The following LRRC17 variants were observed in gnomAD, a reference collection of about 807,000 sequenced individuals.
LRRC17 encodes the protein leucine-rich repeat-containing protein 17.
A neutral mutation model predicts 41.5 loss-of-function variants in LRRC17; 33 were observed. That is an observed-to-expected ratio of 0.80 (90% CI 0.60 to 1.06). The LOEUF (loss-of-function observed/expected upper bound fraction) is 1.06. Among genes scored for constraint, LRRC17 ranks in the 50% least tolerant of loss-of-function variants. The pLI is 0.00. For missense variants in LRRC17, 491 were observed against 519.3 expected, an observed-to-expected ratio of 0.95 and a Z score of 0.53; for synonymous variants, 192 against 197.0, an observed-to-expected ratio of 0.97 and a Z score of 0.21.
rs912011527 is a variant in LRRC17, at chr7:102,922,712, C to T, written c.-141+9567C>T. Among the ~76,000 whole-genome samples, 6 of 152,288 alleles carry T rather than the reference C, an allele frequency of 3.9e-5. No individual in the cohort carries two copies. The South Asian group carries it at 1.2e-3, about 32-fold the overall frequency. On this transcript the variant is annotated intron_variant, in intron 1 of 3. Coordinates refer to ENST00000339431, the MANE Select transcript of LRRC17 (RefSeq NM_001031692.3). ...TGATGACTGGGCGTGGTGGCTCACG[C>T]CTATAATCCCAGCACTTTGGGAGGC...
chr7:102,926,997 G>T (rs1047606083), intron 1 of LRRC17, among the ~76,000 whole-genome samples: 15 of 152,232 alleles, frequency 9.9e-5, no homozygotes, highest in African/African-American at 2.6e-4. Flanking sequence ...GGAGTAGGGT[G>T]GGGGAGGATC....
chr7:102,917,244 C>T (rs1816073342), intron 1 of LRRC17, among the ~76,000 whole-genome samples: 1 of 152,164 alleles, frequency 6.6e-6, no homozygotes, highest in Non-Finnish European at 1.5e-5. Flanking sequence ...TTGATAGGCA[C>T]TGGTGAGACT....
intron 2 of LRRC17, among the ~76,000 whole-genome samples, chr7:102,935,143 G>GAGAC (rs2129473901): frequency 6.6e-6 from 1 of 151,624 alleles, no homozygotes; most frequent in East Asian, 1.9e-4. Flanking sequence ...AGAGCACTCT[G>GAGAC]AGACAGAGTG....
intron 3 of LRRC17, among the ~76,000 whole-genome samples, chr7:102,942,741 G>C (rs1821712856): frequency 6.6e-6 from 1 of 152,060 alleles, no homozygotes; most frequent in Non-Finnish European, 1.5e-5. Context: ...ATTTTTTTAA[G>C]GGGGAATTAT....
At chr7:102,920,774 C>G (rs1369571516) in intron 1 of LRRC17, among the ~76,000 whole-genome samples, 2 of 152,150 alleles carry the variant, frequency 1.3e-5, no homozygotes, top group African/African-American at 4.8e-5. Flanking sequence ...AATCCCGCAT[C>G]ACAAAGGTTA....
intron 2 of LRRC17, 141 bp from the exon 3 acceptor site, chr7:102,939,289 T>G: frequency 1.5e-6 from 1 of 647,728 alleles, no homozygotes; most frequent in Non-Finnish European, 2.6e-6. Context: ...AAGGCTTGTT[T>G]CATACTAACT....
intron 3 of LRRC17, among the ~76,000 whole-genome samples, chr7:102,941,039 C>T (rs749612290): frequency 2.0e-5 from 3 of 152,132 alleles, no homozygotes; most frequent in Non-Finnish European, 4.4e-5. Flanking sequence ...TCTGGAGCCA[C>T]AAGGGCATAT....
intron 1 of LRRC17, among the ~76,000 whole-genome samples, chr7:102,924,233 C>T (rs1398022235): frequency 4.2e-5 from 6 of 144,536 alleles, no homozygotes; most frequent in East Asian, 2.0e-4. Flanking sequence ...AGCAAAACTC[C>T]GTCTCAAAAA....
chr7:102,921,118 C>G (rs1327719620), intron 1 of LRRC17, among the ~76,000 whole-genome samples: 1 of 152,114 alleles, frequency 6.6e-6, no homozygotes, highest in African/African-American at 2.4e-5. Flanking sequence ...CTTCATTGCA[C>G]TCCAGCCTGG....
At chr7:102,939,619 G>A (rs778248770) in intron 3 of LRRC17, 34 bp downstream of exon 3, 2 of 1,559,374 alleles carry the variant, frequency 1.3e-6, no homozygotes, top group Admixed American at 4.0e-5. Context: ...TCAATGGGTG[G>A]CAAGTGTTCT....
In LRRC17 at chr7:102,944,467, T is replaced by C. The variant is rs1373538506; in HGVS notation, c.1186T>C (p.Tyr396His). ...GTCTGTGGGAAAATATATTAGAAGTTACTATGAAGAATGCCCCAAAGACAA... is the reference window on the plus strand; with the variant it reads ...GTCTGTGGGAAAATATATTAGAAGTCACTATGAAGAATGCCCCAAAGACAA... ...GWSVGKYIRSYYEECPKDKLP... is the reference protein window; with the variant it reads ...GWSVGKYIRSHYEECPKDKLP... Residue 396 changes from tyrosine to histidine, a missense_variant, in exon 4 of 4, where the codon TAC becomes CAC. Tyr to His is a moderately conservative substitution (Grantham distance 83). Coordinates refer to ENST00000339431, the MANE Select transcript of LRRC17 (RefSeq NM_001031692.3). 3 of 1,613,882 alleles carry C rather than the reference T, an allele frequency of 1.9e-6. No homozygotes were observed. The highest frequency in any genetic ancestry group is 2.5e-6 in the Non-Finnish European group (3 of 1,179,990).
chr7:102,934,529 A>AGGT lies in LRRC17; in HGVS notation c.616_617insGGT (p.Ile206delinsArgLeu). On this transcript the variant is annotated protein_altering_variant, in exon 2 of 4. Coordinates refer to ENST00000339431, the MANE Select transcript of LRRC17 (RefSeq NM_001031692.3). Reference sequence around the variant, plus strand: ...ACAAAAAAATAAAAAACTGCGGCAGATAAAATCTGAACAGTTGTGTAATGA... The same window carrying AGGT: ...ACAAAAAAATAAAAAACTGCGGCAGAGGTTAAAATCTGAACAGTTGTGTAATGA... The AGGT allele has an allele frequency of 1.3e-6, 2 of 1,597,050 alleles. No homozygotes were observed. Among genetic ancestry groups the AGGT allele is most frequent in the Non-Finnish European group, 1.7e-6 (2 of 1,173,610 alleles).
In LRRC17 at chr7:102,931,157, T is replaced by A. The variant is rs2129472976; in HGVS notation, c.-140-2617T>A. On this transcript the variant is annotated intron_variant, in intron 1 of 3. Transcript: ENST00000339431. ...CACTTGGGGACAAAGGGAAAGGGCA[T>A]TTTAAGCAAAGAGCAAATGCACAAC... Among the ~76,000 whole-genome samples, 2 of 152,284 alleles carry A rather than the reference T, an allele frequency of 1.3e-5. 1 individual carries two copies. The highest frequency in any genetic ancestry group is 4.1e-4 in the South Asian group (2 of 4,826).
At chr7:102,917,814 A>G (rs1453136401) in intron 1 of LRRC17, among the ~76,000 whole-genome samples, 1 of 152,212 alleles carries the variant, frequency 6.6e-6, no homozygotes. Context: ...ACTGTGCCAA[A>G]TGAGGTGCTG....
At chr7:102,916,048 ATC>A (rs779985245) in intron 1 of LRRC17, among the ~76,000 whole-genome samples, 10 of 151,288 alleles carry the variant, frequency 6.6e-5, no homozygotes, top group Non-Finnish European at 1.2e-4. Flanking sequence ...CAATGGCATG[ATC>A]TCGGCTCACT....
intron 1 of LRRC17, chr7:102,931,865 G>A (rs374980962): frequency 6.2e-7 from 1 of 1,609,666 alleles, no homozygotes; most frequent in Non-Finnish European, 8.5e-7. Flanking sequence ...CAGTAAAAAT[G>A]GTTGCTTATA....
At chr7:102,943,811 C>T (rs189328870) in intron 3 of LRRC17, among the ~76,000 whole-genome samples, 1 of 152,304 alleles carries the variant, frequency 6.6e-6, no homozygotes, top group African/African-American at 2.4e-5. Context: ...GAGTGACCAT[C>T]TGTGTTAGCT....
At chr7:102,939,650 C>T (rs1821017778) in intron 3 of LRRC17, 65 bp downstream of exon 3, 1 of 1,342,060 alleles carries the variant, frequency 7.5e-7, no homozygotes, top group African/African-American at 1.5e-5. Flanking sequence ...TCTATGGCAA[C>T]ACTTATATAC....
intron 1 of LRRC17, among the ~76,000 whole-genome samples, chr7:102,925,926 G>A (rs1173059594): frequency 7.8e-6 from 1 of 127,464 alleles, no homozygotes; most frequent in South Asian, 2.7e-4. Context: ...GGGCGACAGA[G>A]CAAGACTCTG....
Sources: allele counts gnomAD v4.1 joint callset (sites outside exome capture counted in the v4.1 genomes callset), GRCh38; gene constraint gnomAD v4.1.1; transcripts MANE v1.5; gene names NCBI Gene and HGNC (gene_info 2026-07-23, HGNC 2026-07-21).